The following UBR1 variants were observed in gnomAD, a reference collection of about 807,000 sequenced individuals.
UBR1 encodes E3 ubiquitin-protein ligase UBR1.
UBR1 carries 102 observed loss-of-function variants against 242.1 expected under a neutral mutation model. That is an observed-to-expected ratio of 0.42 (90% CI 0.36 to 0.50). UBR1 has a LOEUF of 0.50. Among genes scored for constraint, UBR1 ranks in the 20% least tolerant of loss-of-function variants. The pLI is 0.01. For missense variants in UBR1, 1,772 were observed against 2,101.8 expected (o/e 0.84, Z 3.07); for synonymous variants, 675 against 684.8 (o/e 0.99, Z 0.22).
intron 18 of UBR1, 108 bp from the exon 19 acceptor site, chr15:43,036,387 T>A: frequency 8.3e-7 from 1 of 1,201,650 alleles, no homozygotes; most frequent in Non-Finnish European, 1.2e-6. Flanking sequence ...AATGTAGTAG[T>A]CCCTTCTATT....
rs2033619959 is a variant in UBR1, at chr15:43,056,381, G to A, written c.1244C>T (p.Thr415Ile). Reference sequence around the variant, plus strand: ...AGTAAACATCTGAACTGAAAGTGCAGTTATAGAGATACTTCTGTCATGATC... The same window carrying A: ...AGTAAACATCTGAACTGAAAGTGCAATTATAGAGATACTTCTGTCATGATC... ...SDDHDRSISI[T>I]ALSVQMFTVP... Residue 415 changes from threonine to isoleucine, a missense_variant, in exon 11 of 47, where the codon ACT (threonine) becomes ATT (isoleucine). Coordinates refer to ENST00000290650, the MANE Select transcript of UBR1 (RefSeq NM_174916.3). The A allele has an allele frequency of 6.2e-7, 1 of 1,612,678 alleles. No individual in the cohort carries two copies.
intron 1 of UBR1, among the ~76,000 whole-genome samples, chr15:43,091,747 C>T (rs1040197878): frequency 6.6e-6 from 1 of 151,554 alleles, no homozygotes; most frequent in African/African-American, 2.4e-5. Flanking sequence ...GCCTAGGCAA[C>T]ATGGTGAAAC....
In UBR1 at chr15:42,998,211, A is replaced by T. The variant is rs2032669235; in HGVS notation, c.3714T>A (p.Thr1238=). 6.2e-7 allele frequency: 1 copy of T among 1,614,062 alleles called. No homozygotes were observed. The highest frequency in any genetic ancestry group is 8.5e-7 in the Non-Finnish European group (1 of 1,179,986). Residue 1238 remains threonine, a synonymous_variant, in exon 33 of 47, where the codon ACT becomes ACA. Coordinates refer to ENST00000290650, the MANE Select transcript of UBR1 (RefSeq NM_174916.3). ...TATAACCTGATATTCTGGCCAGAAC[A>T]GTCTGTATCCACCGTGCCAGGGTCA... The part of the protein sequence containing the change: ...QLLTLARWIQ[T]VLARISGYNI...
chr15:43,024,438 AATT>A (rs778849599), intron 25 of UBR1, among the ~76,000 whole-genome samples: 18 of 152,206 alleles, frequency 1.2e-4, no homozygotes, highest in Non-Finnish European at 2.6e-4. Flanking sequence ...CTAATGAGAA[AATT>A]ATTATTTGCT....
chr15:43,043,486 G>C, intron 14 of UBR1, 91 bp from the exon 15 acceptor site: 4 of 1,238,592 alleles, frequency 3.2e-6, no homozygotes, highest in Non-Finnish European at 4.7e-6. Flanking sequence ...CTGTGGCCTA[G>C]GCTGGAGTAC....
At chr15:43,093,359 T>C (rs1290342273) in intron 1 of UBR1, among the ~76,000 whole-genome samples, 5 of 152,212 alleles carry the variant, frequency 3.3e-5, no homozygotes, top group Non-Finnish European at 5.9e-5. Context: ...CTTTTTAAAG[T>C]GGTAACAAAA....
chr15:43,060,139 T>G (rs1436228541), intron 6 of UBR1, 25 bp from the exon 7 acceptor site: 1 of 1,609,162 alleles, frequency 6.2e-7, no homozygotes, highest in Non-Finnish European at 8.5e-7. Context: ...AAGTGAGAAT[T>G]AGGTAGTGAA....
chr15:43,040,781 G>A (rs2033407807), intron 15 of UBR1, among the ~76,000 whole-genome samples: 1 of 152,176 alleles, frequency 6.6e-6, no homozygotes, highest in Non-Finnish European at 1.5e-5. Flanking sequence ...AGCAGGCGAA[G>A]GATATGAACA....
rs2032617229 is a variant in UBR1 at position 42,995,119 on chromosome 15, TAA to T, written c.3757+3047_3757+3048del. On this transcript the variant is annotated intron_variant, in intron 33 of 46. Transcript: ENST00000290650. ...ACGGTCACAGAGGTCCTACTGCTAATAAAGTGATATTTCTACTTAATGCCATG... is the reference window on the plus strand; with the variant it reads ...ACGGTCACAGAGGTCCTACTGCTAATAGTGATATTTCTACTTAATGCCATG... 2.0e-5 allele frequency among the ~76,000 whole-genome samples: 3 copies of T among 152,210 alleles called. No homozygotes were observed. In the South Asian group the frequency reaches 6.2e-4, roughly 32 times the overall value.
chr15:43,014,122 G>C (rs1335523380), intron 29 of UBR1, among the ~76,000 whole-genome samples: 4 of 152,278 alleles, frequency 2.6e-5, no homozygotes, highest in African/African-American at 4.8e-5. Context: ...AACCGCGAGT[G>C]ATCCGCCAGC....
intron 1 of UBR1, among the ~76,000 whole-genome samples, chr15:43,087,128 G>T (rs551326575): frequency 5.3e-5 from 8 of 152,146 alleles, no homozygotes; most frequent in Non-Finnish European, 1.0e-4. Flanking sequence ...GAATCGGGCC[G>T]GGCGCGGTGG....
At position 42,983,944 on chromosome 15, in the gene UBR1, G is replaced by A. The variant is rs753736868; in HGVS notation, c.4103C>T (p.Thr1368Ile). Residue 1368 changes from threonine to isoleucine, a missense_variant, in exon 37 of 47, where the codon ACC becomes ATC. Thr to Ile is a moderately conservative substitution (Grantham distance 89, BLOSUM62 -1). Around this residue, in one of 3 missense-constraint regions of UBR1, gnomAD observed 965 missense variants for 1,079.7 expected, o/e 0.89. Coordinates refer to ENST00000290650, the MANE Select transcript of UBR1 (RefSeq NM_174916.3). Reference sequence around the variant, plus strand: ...TTTCTGTATCAGGACCTGAGGACAGGTAATCCTCTGTGCAACTGCAAACTG... The same window carrying A: ...TTTCTGTATCAGGACCTGAGGACAGATAATCCTCTGTGCAACTGCAAACTG... ...LMQFAVAQRI[T>I]CPQVLIQKHL... 1.2e-6 allele frequency: 2 copies of A among 1,613,300 alleles called. No homozygotes were observed. Among genetic ancestry groups the A allele is most frequent in the East Asian group, 2.2e-5 (1 of 44,818 alleles).
chr15:42,992,287 C>T (rs1303622464), intron 33 of UBR1, among the ~76,000 whole-genome samples: 6 of 152,046 alleles, frequency 3.9e-5, no homozygotes, highest in Non-Finnish European at 8.8e-5. Context: ...GTTGTTTTTC[C>T]CTTGAGAATC....
intron 44 of UBR1, among the ~76,000 whole-genome samples, chr15:42,956,280 T>TG (rs773443781): frequency 2.6e-5 from 4 of 152,190 alleles, no homozygotes; most frequent in Non-Finnish European, 4.4e-5. Flanking sequence ...GTCACTCTAA[T>TG]GAAACAACTG....
intron 33 of UBR1, among the ~76,000 whole-genome samples, chr15:42,997,907 A>G (rs1411325442): frequency 6.6e-6 from 1 of 152,210 alleles, no homozygotes; most frequent in African/African-American, 2.4e-5. Flanking sequence ...TAAGATTTAA[A>G]TCTAAGCAGT....
intron 39 of UBR1, among the ~76,000 whole-genome samples, chr15:42,973,103 G>T (rs1280131250): frequency 3.3e-5 from 5 of 152,168 alleles, no homozygotes; most frequent in Non-Finnish European, 7.3e-5. Context: ...TATAGATGTT[G>T]AACATTATGA....
intron 44 of UBR1, among the ~76,000 whole-genome samples, chr15:42,956,515 G>A (rs180671032): frequency 1.8e-4 from 28 of 152,212 alleles, no homozygotes; most frequent in African/African-American, 5.5e-4. Flanking sequence ...AGGCAGAGGC[G>A]GAGTTTCACC....
At chr15:42,965,269 T>C (rs938020517) in intron 41 of UBR1, among the ~76,000 whole-genome samples, 12 of 152,128 alleles carry the variant, frequency 7.9e-5, no homozygotes, top group African/African-American at 2.9e-4. Flanking sequence ...TCAGCAATTT[T>C]GATGACTCTT....
chr15:43,069,776 C>T (rs1008069606), intron 5 of UBR1, among the ~76,000 whole-genome samples: 1 of 152,136 alleles, frequency 6.6e-6, no homozygotes, highest in African/African-American at 2.4e-5. Flanking sequence ...CCCAAAGACC[C>T]GTGCTACCCA....
Sources: allele counts gnomAD v4.1 joint callset (sites outside exome capture counted in the v4.1 genomes callset), GRCh38; gene constraint gnomAD v4.1.1; regional missense constraint gnomAD v4.1.1; transcripts MANE v1.5; gene names NCBI Gene and HGNC (gene_info 2026-07-23, HGNC 2026-07-21).